RGS6: variants seen among roughly 807,000 people sequenced by gnomAD.
RGS6 encodes regulator of G protein signaling 6.
Under a neutral mutation model 78.5 loss-of-function variants are expected in RGS6, and 30 were observed. The observed-to-expected ratio is 0.38, with a 90% confidence interval of 0.29 to 0.52. The LOEUF is 0.52. Ranked by LOEUF, RGS6 falls within the 20% of genes least tolerant of loss-of-function variation. RGS6 has a pLI of 0.85. For synonymous variants in RGS6, 206 were observed against 206.0 expected, an observed-to-expected ratio of 1.00 and a Z score of 0.00; for missense variants, 495 against 609.7, an observed-to-expected ratio of 0.81 and a Z score of 1.98.
chr14:72,236,382 G>A (rs1032719957), intron 2 of RGS6, among the ~76,000 whole-genome samples: 58 of 152,112 alleles, frequency 3.8e-4, no homozygotes, highest in African/African-American at 8.0e-4. Flanking sequence ...ATTAACTCGA[G>A]TTAAATATTT....
chr14:72,115,110 G>A (rs1192969553), intron 2 of RGS6, among the ~76,000 whole-genome samples: 1 of 152,126 alleles, frequency 6.6e-6, no homozygotes, highest in Non-Finnish European at 1.5e-5. Flanking sequence ...CAGTTATGTG[G>A]CAATCTTGAC....
At chr14:72,169,139 G>A (rs1241456058) in intron 2 of RGS6, among the ~76,000 whole-genome samples, 4 of 152,124 alleles carry the variant, frequency 2.6e-5, no homozygotes, top group Non-Finnish European at 4.4e-5. Context: ...TAATCACTAA[G>A]CAATTTTTCT....
chr14:72,177,292 A>T (rs1376837342), intron 2 of RGS6, among the ~76,000 whole-genome samples: 1 of 152,132 alleles, frequency 6.6e-6, no homozygotes, highest in South Asian at 2.1e-4. Context: ...GCCTATTTGT[A>T]TCTTTATATT....
the RGS6 span, among the ~76,000 whole-genome samples, chr14:71,910,437 C>T: frequency 6.6e-6 from 1 of 152,166 alleles, no homozygotes. Flanking sequence ...CATTTCTCTA[C>T]AGATTTATTG....
intron 2 of RGS6, among the ~76,000 whole-genome samples, chr14:72,314,872 A>T (rs2152481417): frequency 6.6e-6 from 1 of 152,372 alleles, no homozygotes; most frequent in East Asian, 1.9e-4. Flanking sequence ...TAGAAAATTT[A>T]TTCCTCACAT....
chr14:72,229,152 A>G (rs1266410462), intron 2 of RGS6, among the ~76,000 whole-genome samples: 1 of 152,230 alleles, frequency 6.6e-6, no homozygotes, highest in Non-Finnish European at 1.5e-5. Context: ...TTGCAAATCT[A>G]TAGTAAAATA....
intron 2 of RGS6, among the ~76,000 whole-genome samples, chr14:72,080,615 T>C (rs760492896): frequency 6.6e-6 from 1 of 152,174 alleles, no homozygotes; most frequent in Non-Finnish European, 1.5e-5. Context: ...TTGGAGCTTT[T>C]CCCCTGTGTT....
intron 2 of RGS6, among the ~76,000 whole-genome samples, chr14:71,971,940 A>G (rs2093837502): frequency 3.6e-5 from 5 of 139,434 alleles, no homozygotes; most frequent in Admixed American, 7.3e-5. Flanking sequence ...TTTTTATCAG[A>G]GTGACAACAG....
downstream of RGS6, among the ~76,000 whole-genome samples, chr14:72,571,187 G>A (rs997268718): frequency 2.0e-5 from 3 of 152,106 alleles, no homozygotes; most frequent in East Asian, 1.9e-4. Flanking sequence ...TCTACAGAAC[G>A]GGAAACAGAG....
chr14:71,939,148 T>C (rs954488561), intron 1 of RGS6, among the ~76,000 whole-genome samples: 2 of 152,164 alleles, frequency 1.3e-5, no homozygotes, highest in Non-Finnish European at 2.9e-5. Flanking sequence ...AAATGAGGAA[T>C]GTGTTGCCTC....
the RGS6 span, among the ~76,000 whole-genome samples, chr14:72,587,980 G>A: frequency 3.3e-5 from 5 of 152,200 alleles, no homozygotes; most frequent in Admixed American, 6.5e-5. Flanking sequence ...GTCTTGGGGA[G>A]GCTCCAGAAC....
chr14:72,523,386 G>A (rs989213004), intron 15 of RGS6, among the ~76,000 whole-genome samples: 8 of 152,160 alleles, frequency 5.3e-5, no homozygotes, highest in Non-Finnish European at 1.2e-4. Context: ...AGCCCATGGG[G>A]CTCAGGGGCT....
At chr14:71,947,137 T>C (rs2091643175) in intron 1 of RGS6, among the ~76,000 whole-genome samples, 1 of 152,156 alleles carries the variant, frequency 6.6e-6, no homozygotes, top group Admixed American at 6.5e-5. Context: ...AGGGCACTCC[T>C]CCATGCCAGG....
At chr14:72,111,739 C>T (rs920263379) in intron 2 of RGS6, among the ~76,000 whole-genome samples, 1 of 152,122 alleles carries the variant, frequency 6.6e-6, no homozygotes, top group Non-Finnish European at 1.5e-5. Flanking sequence ...CAGCAGCATT[C>T]GCCAGGGTAC....
chr14:71,952,272 G>A (rs547464274), intron 1 of RGS6, among the ~76,000 whole-genome samples: 18 of 151,992 alleles, frequency 1.2e-4, no homozygotes, highest in South Asian at 4.2e-4. Context: ...TACAAATACC[G>A]TTTATCAGAT....
chr14:72,482,090 A>G (rs2096393070), intron 12 of RGS6, among the ~76,000 whole-genome samples: 1 of 152,148 alleles, frequency 6.6e-6, no homozygotes, highest in Admixed American at 6.6e-5. Context: ...GATTACAGGC[A>G]TGAGCCACCG....
intron 2 of RGS6, among the ~76,000 whole-genome samples, chr14:72,204,272 C>T (rs1294513897): frequency 3.3e-5 from 5 of 152,176 alleles, no homozygotes; most frequent in Non-Finnish European, 7.3e-5. Context: ...ATCTCAGAAG[C>T]AACATACCAC....
intron 2 of RGS6, among the ~76,000 whole-genome samples, chr14:72,140,199 C>T (rs1314217648): frequency 2.0e-5 from 3 of 152,162 alleles, no homozygotes; most frequent in African/African-American, 4.8e-5. Flanking sequence ...CATCCACAAC[C>T]CACTTCTTGA....
chr14:72,161,676 G>T (rs929756644), intron 2 of RGS6, among the ~76,000 whole-genome samples: 1 of 152,296 alleles, frequency 6.6e-6, no homozygotes, highest in South Asian at 2.1e-4. Context: ...ACGTAATTCT[G>T]GGCCCTCTTT....
Sources: allele counts gnomAD v4.1 joint callset (sites outside exome capture counted in the v4.1 genomes callset), GRCh38; gene constraint gnomAD v4.1.1; transcripts MANE v1.5; gene names NCBI Gene and HGNC (gene_info 2026-07-23, HGNC 2026-07-21).